MINDY4: variants seen among roughly 807,000 people sequenced by gnomAD.
MINDY4 encodes the protein probable ubiquitin carboxyl-terminal hydrolase MINDY-4.
Under a neutral mutation model 87.0 loss-of-function variants are expected in MINDY4, and 68 were observed. The observed-to-expected ratio is 0.78, with a 90% CI of 0.64 to 0.96. The LOEUF (loss-of-function observed/expected upper bound fraction) is 0.96. Among genes scored for constraint, MINDY4 ranks in the 40% least tolerant of loss-of-function variants. The pLI is 0.00. For missense variants in MINDY4, 919 were observed against 928.2 expected (o/e 0.99, Z 0.13); for synonymous variants, 379 against 363.2 (o/e 1.04, Z -0.50).
At chr7:30,778,368 G>A (rs900533590) in intron 1 of MINDY4, 64 bp from the exon 2 acceptor site, 3 of 1,609,054 alleles carry the variant, frequency 1.9e-6, no homozygotes, top group Middle Eastern at 3.3e-4. Flanking sequence ...GTTTGCTTGT[G>A]CTTTATGAGA....
chr7:30,791,354 A>AC lies in MINDY4; in HGVS notation c.855dup (p.Thr286HisfsTer50). On this transcript the variant is annotated frameshift_variant, in exon 5 of 18. Coordinates refer to ENST00000265299, the MANE Select transcript of MINDY4 (RefSeq NM_032222.3). LOFTEE classifies it high-confidence loss of function. ...TGAACTGACCGTAGAAAGGCAGAAA[A>AC]CCACTGCCAGCAGCCCTCCCCATCT... The AC allele has an allele frequency of 1.2e-6, 2 of 1,613,984 alleles. No homozygotes were observed. Among genetic ancestry groups the AC allele is most frequent in the Non-Finnish European group, 1.7e-6 (2 of 1,179,978 alleles).
intron 5 of MINDY4, among the ~76,000 whole-genome samples, chr7:30,824,474 G>A (rs1388612234): frequency 2.0e-5 from 3 of 152,068 alleles, no homozygotes; most frequent in Admixed American, 6.5e-5. Flanking sequence ...AGCAGTAAGT[G>A]ATCAGTATCT....
At chr7:30,794,259 A>G (rs1787412081) in intron 5 of MINDY4, among the ~76,000 whole-genome samples, 1 of 152,134 alleles carries the variant, frequency 6.6e-6, no homozygotes, top group African/African-American at 2.4e-5. Context: ...TTTGGTAAAC[A>G]TGGGTCTCAG....
intron 5 of MINDY4, among the ~76,000 whole-genome samples, chr7:30,812,678 A>G (rs573095325): frequency 3.3e-5 from 5 of 152,292 alleles, no homozygotes; most frequent in African/African-American, 1.2e-4. Flanking sequence ...CAGCTTGCAC[A>G]TGTTTTCCAG....
At chr7:30,877,114 G>A (rs1790284015) in intron 15 of MINDY4, among the ~76,000 whole-genome samples, 1 of 152,138 alleles carries the variant, frequency 6.6e-6, no homozygotes, top group Admixed American at 6.5e-5. Flanking sequence ...TCCTGGCTGT[G>A]CTGGTGTTAG....
chr7:30,828,143 T>C (rs1261016607), intron 5 of MINDY4, among the ~76,000 whole-genome samples: 1 of 152,110 alleles, frequency 6.6e-6, no homozygotes, highest in African/African-American at 2.4e-5. Context: ...CAGGGCAATG[T>C]TTTAAGTAAC....
At chr7:30,803,855 G>A (rs1484171290) in intron 5 of MINDY4, among the ~76,000 whole-genome samples, 1 of 152,238 alleles carries the variant, frequency 6.6e-6, no homozygotes, top group Non-Finnish European at 1.5e-5. Flanking sequence ...GGGTCATGGA[G>A]AAAACCTAAG....
At chr7:30,835,332 G>A (rs1163539139) in intron 6 of MINDY4, among the ~76,000 whole-genome samples, 1 of 152,172 alleles carries the variant, frequency 6.6e-6, no homozygotes, top group Non-Finnish European at 1.5e-5. Flanking sequence ...GATGTTGTGA[G>A]ACTTATTCAC....
chr7:30,776,608 G>A lies in MINDY4; in HGVS notation c.64-1824G>A, dbSNP rs566966654. On this transcript the variant is annotated intron_variant, in intron 1 of 17. Coordinates refer to ENST00000265299, the MANE Select transcript of MINDY4 (RefSeq NM_032222.3). ...CTCTGCCTCTAGCAACTGGACTTAC[G>A]GACTAGTGGTCTGTTCCCTTCGTTT... Among the ~76,000 whole-genome samples the A allele has an allele frequency of 5.3e-5, 8 of 152,300 alleles. No individual in the cohort carries two copies. In the East Asian group the frequency reaches 1.3e-3, roughly 26 times the overall value.
Position 30,836,679 on chromosome 7 carries a change from TA to T in MINDY4, c.1156del (p.Arg386GlyfsTer26). Reference protein sequence around the residue: ...LRLEDVEDELIREEVILSPVP... With the variant: ...LRLEDVEDELXREEVILSPVP... ...TCAGAGGATGTGGAGGATGAGTTGATAAGGGAAGAGGTCATCCTGTCGCCAG... is the reference window on the plus strand; with the variant it reads ...TCAGAGGATGTGGAGGATGAGTTGATAGGGAAGAGGTCATCCTGTCGCCAG... On this transcript the variant is annotated frameshift_variant, in exon 7 of 18. Coordinates refer to ENST00000265299, the MANE Select transcript of MINDY4 (RefSeq NM_032222.3). LOFTEE classifies it high-confidence loss of function. 6.2e-7 allele frequency: 1 copy of T among 1,614,146 alleles called. No homozygotes were observed. Among genetic ancestry groups the T allele is most frequent in the Non-Finnish European group, 8.5e-7 (1 of 1,179,982 alleles).
At chr7:30,885,461 G>A (rs1194035302) in intron 17 of MINDY4, among the ~76,000 whole-genome samples, 1 of 152,122 alleles carries the variant, frequency 6.6e-6, no homozygotes, top group Non-Finnish European at 1.5e-5. Flanking sequence ...GCAGTGAGCT[G>A]AGATCATGCC....
At chr7:30,782,634 T>G (rs149872086) in intron 3 of MINDY4, among the ~76,000 whole-genome samples, 93 of 152,046 alleles carry the variant, frequency 6.1e-4, no homozygotes, top group African/African-American at 2.1e-3. Flanking sequence ...GCCCAGGAGT[T>G]CAAGGCTGCA....
At chr7:30,800,746 C>T (rs777951374) in intron 5 of MINDY4, among the ~76,000 whole-genome samples, 10 of 152,334 alleles carry the variant, frequency 6.6e-5, no homozygotes, top group South Asian at 4.1e-4. Flanking sequence ...GGAAGATTAA[C>T]CTGCCTTGTT....
intron 5 of MINDY4, 140 bp downstream of exon 5, chr7:30,791,714 T>A (rs924107987): frequency 2.2e-6 from 2 of 914,402 alleles, no homozygotes; most frequent in Admixed American, 3.0e-5. Flanking sequence ...ACCGGCAAGG[T>A]AGAGTTTGTT....
At chr7:30,869,757 A>T (rs1485059772) in intron 13 of MINDY4, among the ~76,000 whole-genome samples, 1 of 152,158 alleles carries the variant, frequency 6.6e-6, no homozygotes, top group African/African-American at 2.4e-5. Flanking sequence ...GGACTTCAAC[A>T]TATGAATTTT....
At chr7:30,810,642 A>G (rs1435627629) in intron 5 of MINDY4, among the ~76,000 whole-genome samples, 4 of 152,174 alleles carry the variant, frequency 2.6e-5, no homozygotes, top group Non-Finnish European at 5.9e-5. Context: ...AGATTATAAA[A>G]GGTTAAAAAG....
At chr7:30,822,698 G>A (rs1445352078) in intron 5 of MINDY4, among the ~76,000 whole-genome samples, 1 of 150,612 alleles carries the variant, frequency 6.6e-6, no homozygotes, top group East Asian at 1.9e-4. Context: ...GCAGTGGCAT[G>A]ACCACAGCTC....
chr7:30,863,925 C>T (rs1352457662), intron 13 of MINDY4, among the ~76,000 whole-genome samples: 1 of 152,210 alleles, frequency 6.6e-6, no homozygotes, highest in East Asian at 1.9e-4. Context: ...CCAGGGAGCT[C>T]TCACAAGCCC....
intron 4 of MINDY4, among the ~76,000 whole-genome samples, chr7:30,790,692 G>A (rs1355525232): frequency 6.6e-5 from 10 of 152,214 alleles, no homozygotes; most frequent in Admixed American, 4.6e-4. Context: ...TGATACACCC[G>A]CCTTGGCCTC....
Sources: allele counts gnomAD v4.1 joint callset (sites outside exome capture counted in the v4.1 genomes callset), GRCh38; gene constraint gnomAD v4.1.1; transcripts MANE v1.5; gene names NCBI Gene and HGNC (gene_info 2026-07-23, HGNC 2026-07-21).